Variants in SIM2 observed in about 807,000 individuals in gnomAD.
The protein encoded by SIM2 is single-minded homolog 2.
In SIM2, 28 loss-of-function variants were observed where a neutral mutation model predicts 64.8. The ratio of observed to expected loss-of-function variants is 0.43; its 90% CI spans 0.32 to 0.59. The LOEUF (loss-of-function observed/expected upper bound fraction) is 0.59. Among genes scored for constraint, SIM2 ranks in the 20% least tolerant of loss-of-function variants. The pLI is 0.07. For missense variants in SIM2, 847 were observed against 871.4 expected (o/e 0.97, Z 0.35); for synonymous variants, 408 against 391.1 (o/e 1.04, Z -0.51).
intron 7 of SIM2, among the ~76,000 whole-genome samples, chr21:36,732,408 A>G (rs896887044): frequency 2.0e-5 from 3 of 152,178 alleles, no homozygotes; most frequent in Non-Finnish European, 2.9e-5. Context: ...ACAGGTTGCC[A>G]GTGTCGAGTG....
At position 36,748,149 on chromosome 21, in the gene SIM2, C is replaced by A; in HGVS notation, c.*57C>A. On this transcript the variant is annotated 3_prime_UTR_variant, in exon 11 of 11. Transcript: ENST00000290399. Reference sequence around the variant, plus strand: ...CCGGCCTCCCGGGGCTGCGGCGCCACCGAGCCCGGCAAATGCGCACGACCT... The same window carrying A: ...CCGGCCTCCCGGGGCTGCGGCGCCAACGAGCCCGGCAAATGCGCACGACCT... The A allele has an allele frequency of 1.0e-6, 1 of 956,354 alleles. No homozygotes were observed. Among genetic ancestry groups the A allele is most frequent in the Non-Finnish European group, 1.3e-6 (1 of 764,472 alleles). 59.2% of individuals were successfully genotyped at this position (956,354 alleles called of 1,614,324 possible).
At chr21:36,705,409 C>A (rs1311605949) in intron 1 of SIM2, among the ~76,000 whole-genome samples, 1 of 152,252 alleles carries the variant, frequency 6.6e-6, no homozygotes, top group Non-Finnish European at 1.5e-5. Context: ...CCCCTCTCCC[C>A]TCCCCTACCC....
chr21:36,734,377 T>C (rs954399390), intron 7 of SIM2, among the ~76,000 whole-genome samples: 6 of 152,208 alleles, frequency 3.9e-5, no homozygotes, highest in African/African-American at 1.4e-4. Context: ...GTTTAGAAAT[T>C]AGACGGGGCA....
intron 5 of SIM2, among the ~76,000 whole-genome samples, chr21:36,725,389 G>A (rs191501368): frequency 9.2e-5 from 14 of 152,274 alleles, no homozygotes; most frequent in Middle Eastern, 3.4e-3. Flanking sequence ...CTGGTACAGC[G>A]TGTCGAGTGA....
At chr21:36,716,404 G>T (rs2088747346) in intron 3 of SIM2, among the ~76,000 whole-genome samples, 1 of 152,030 alleles carries the variant, frequency 6.6e-6, no homozygotes, top group East Asian at 1.9e-4. Flanking sequence ...ACACATAAAA[G>T]AATGTCTTAT....
At position 36,723,063 on chromosome 21, in the gene SIM2, C is replaced by T. The variant is rs2059329241; in HGVS notation, c.476C>T (p.Ser159Leu). The change falls in exon 5 of 11, where the codon TCG (serine) becomes TTG (leucine). Residue 159 changes from serine to leucine, a missense_variant. By Grantham distance (145) the Ser-to-Leu change is moderately radical (BLOSUM62 -2). Around this residue, in one of 3 missense-constraint regions of SIM2, gnomAD observed 397 missense variants for 439.2 expected, o/e 0.90. Coordinates refer to ENST00000290399, the MANE Select transcript of SIM2 (RefSeq NM_005069.6). ...HLLQEYEIER[S>L]FFLRMKCVLA... ...CTTGCAGAGTATGAGATAGAGAGGT[C>T]GTTCTTTCTTCGAATGAAATGTGTC... is the stretch of plus-strand genomic sequence containing the variant. The T allele has an allele frequency of 1.9e-6, 3 of 1,614,110 alleles. No homozygotes were observed. The highest frequency in any genetic ancestry group is 2.5e-6 in the Non-Finnish European group (3 of 1,179,980).
chr21:36,715,791 T>C (rs1459502382), intron 3 of SIM2, among the ~76,000 whole-genome samples: 2 of 152,254 alleles, frequency 1.3e-5, no homozygotes, highest in Non-Finnish European at 2.9e-5. Flanking sequence ...TTTGAGGGTA[T>C]GGAAATGATT....
Position 36,723,103 on chromosome 21 carries a change from C to T in SIM2, c.516C>T (p.Asn172=), listed in dbSNP as rs139778934. The part of the protein sequence containing the change: ...LRMKCVLAKR[N]AGLTCSGYKV... Reference sequence around the variant, plus strand: ...TGAAATGTGTCTTGGCGAAAAGGAACGCGGGCCTGACCTGCAGCGGATACA... The same window carrying T: ...TGAAATGTGTCTTGGCGAAAAGGAATGCGGGCCTGACCTGCAGCGGATACA... Residue 172 remains asparagine, a synonymous_variant, in exon 5 of 11, where the codon AAC becomes AAT. Transcript: ENST00000290399. 1.1e-5 allele frequency: 17 copies of T among 1,613,968 alleles called. No homozygotes were observed. The highest frequency in any genetic ancestry group is 5.3e-5 in the African/African-American group (4 of 74,894).
At chr21:36,712,804 GTTTTACTT>G (rs2088695131) in intron 3 of SIM2, among the ~76,000 whole-genome samples, 182 bp downstream of exon 3, 2 of 152,088 alleles carry the variant, frequency 1.3e-5, no homozygotes, top group Admixed American at 6.6e-5. Flanking sequence ...TCCATATTAC[GTTTTACTT>G]TTTTACTTTC....
chr21:36,716,327 T>C (rs1449713495), intron 3 of SIM2, among the ~76,000 whole-genome samples: 2 of 152,324 alleles, frequency 1.3e-5, no homozygotes, highest in East Asian at 3.9e-4. Context: ...CACAGTTATA[T>C]AGCATCTAGG....
chr21:36,734,631 T>C (rs909045316), intron 7 of SIM2, among the ~76,000 whole-genome samples: 2 of 152,158 alleles, frequency 1.3e-5, no homozygotes, highest in Non-Finnish European at 2.9e-5. Flanking sequence ...TCTCAGATGA[T>C]GGGGAGTTCT....
At chr21:36,703,009 TG>T (rs912249294) in intron 1 of SIM2, among the ~76,000 whole-genome samples, 1 of 150,540 alleles carries the variant, frequency 6.6e-6, no homozygotes, top group African/African-American at 2.4e-5. Flanking sequence ...CCTTCATACC[TG>T]GGGAAATTAA....
rs917677705 is a variant in SIM2, at chr21:36,749,535, G to A, written c.*1443G>A. 5 of 151,402 alleles carry A rather than the reference G, an allele frequency of 3.3e-5. No individual in the cohort carries two copies. Among genetic ancestry groups the A allele is most frequent in the African/African-American group, 1.2e-4 (5 of 41,074 alleles). The allele number at this position is 151,402 out of a possible 1,614,324, so 9.4% of individuals were successfully genotyped here. A position where few individuals can be genotyped will look rare whatever the true frequency, so the allele number is the denominator to read the frequency against. Reference sequence around the variant, plus strand: ...AGGGTGTCTGTCAGTGGGCCTCATGGTAAGAGTCACAATTTGCAAATTTAG... The same window carrying A: ...AGGGTGTCTGTCAGTGGGCCTCATGATAAGAGTCACAATTTGCAAATTTAG... On this transcript the variant is annotated 3_prime_UTR_variant, in exon 11 of 11. Coordinates refer to ENST00000290399, the MANE Select transcript of SIM2 (RefSeq NM_005069.6).
chr21:36,716,196 T>A (rs2088744611), intron 3 of SIM2, among the ~76,000 whole-genome samples: 1 of 152,248 alleles, frequency 6.6e-6, no homozygotes, highest in Non-Finnish European at 1.5e-5. Context: ...ATGTGCTGTT[T>A]TGGTTAATGC....
At chr21:36,713,480 T>C (rs1186768988) in intron 3 of SIM2, among the ~76,000 whole-genome samples, 2 of 152,210 alleles carry the variant, frequency 1.3e-5, no homozygotes, top group East Asian at 3.9e-4. Flanking sequence ...AAACTACATA[T>C]AGGGACTAAA....
chr21:36,740,518 G>C (rs1190221555), intron 7 of SIM2, among the ~76,000 whole-genome samples: 1 of 152,098 alleles, frequency 6.6e-6, no homozygotes, highest in African/African-American at 2.4e-5. Flanking sequence ...TATATATTAA[G>C]GTGAATAACT....
intron 4 of SIM2, 66 bp from the exon 5 acceptor site, chr21:36,722,979 G>C (rs977911031): frequency 5.7e-6 from 7 of 1,229,420 alleles, no homozygotes; most frequent in Middle Eastern, 1.9e-4. Flanking sequence ...ACATTGGTGC[G>C]GTTGGAATAA....
chr21:36,731,635 G>C (rs544580194), intron 7 of SIM2, among the ~76,000 whole-genome samples: 1 of 152,276 alleles, frequency 6.6e-6, no homozygotes, highest in South Asian at 2.1e-4. Context: ...CATACAGCTG[G>C]ATGGTAGCGG....
chr21:36,699,126 C>A lies in SIM2; in HGVS notation c.-621C>A, dbSNP rs2088445083. 6.6e-6 allele frequency: 1 copy of A among 151,144 alleles called. No individual in the cohort carries two copies. The highest frequency in any genetic ancestry group is 2.4e-5 in the African/African-American group (1 of 41,162). 9.4% of individuals were successfully genotyped at this position (151,144 alleles called of 1,614,324 possible). A position where few individuals can be genotyped will look rare whatever the true frequency, so the allele number is the denominator to read the frequency against. ...AAGGCGGGTCTGCCATAAACAAACGCGGCTCGGCCGCACGTGGACAGCGGA... is the reference window on the plus strand; with the variant it reads ...AAGGCGGGTCTGCCATAAACAAACGAGGCTCGGCCGCACGTGGACAGCGGA... On this transcript the variant is annotated 5_prime_UTR_variant, in exon 1 of 11. Coordinates refer to ENST00000290399, the MANE Select transcript of SIM2 (RefSeq NM_005069.6). The surrounding 1 kb of genome is among the most constrained non-coding windows in gnomAD (Gnocchi z 5.6).
Sources: gnomAD v4.1 joint callset for allele counts (sites outside exome capture counted in the v4.1 genomes callset) on GRCh38, gnomAD v4.1.1 for gene constraint, gnomAD v4.1.1 regional missense constraint, Gnocchi (gnomAD v3.1) non-coding constraint, MANE v1.5 for transcripts, NCBI Gene and HGNC (gene_info 2026-07-23, HGNC 2026-07-21) for gene names.